The following GRM7 variants were observed in gnomAD, a reference collection of about 807,000 sequenced individuals.
The protein encoded by GRM7 is metabotropic glutamate receptor 7.
Under a neutral mutation model 84.5 loss-of-function variants are expected in GRM7, and 35 were observed. The observed-to-expected ratio is 0.41, with a 90% CI of 0.32 to 0.55. The LOEUF is 0.55. Ranked by LOEUF, GRM7 falls within the 20% of genes least tolerant of loss-of-function variation. The pLI, the probability that GRM7 is intolerant of heterozygous loss-of-function variation, is 0.19. For missense variants in GRM7, 1,003 were observed against 1,194.6 expected, an observed-to-expected ratio of 0.84 and a Z score of 2.36; for synonymous variants, 487 against 455.1, an observed-to-expected ratio of 1.07 and a Z score of -0.89.
intron 1 of GRM7, among the ~76,000 whole-genome samples, chr3:7,076,168 T>C (rs1698069964): frequency 6.6e-6 from 1 of 152,152 alleles, no homozygotes; most frequent in African/African-American, 2.4e-5. Flanking sequence ...CACTGTAATA[T>C]ACATTAAGAA....
At chr3:7,222,074 G>A (rs540194945) in intron 2 of GRM7, among the ~76,000 whole-genome samples, 1 of 152,028 alleles carries the variant, frequency 6.6e-6, no homozygotes, top group African/African-American at 2.4e-5. Context: ...CTCCCAAAGT[G>A]CTAGGATTAC....
rs192152922 is a variant in GRM7 at position 7,476,252 on chromosome 3, G to A, written c.1515+14530G>A. 5.3e-5 allele frequency among the ~76,000 whole-genome samples: 8 copies of A among 152,246 alleles called. No homozygotes were observed. The East Asian group carries it at 9.7e-4, about 18-fold the overall frequency. ...GGATTATTGTGAGAGTTAACAACAC[G>A]AAAAGTGACTAGGGGCTGGGCGCCG... On this transcript the variant is annotated intron_variant, in intron 7 of 9. Transcript: ENST00000357716.
rs535174960 is a variant in GRM7 at position 7,291,490 on chromosome 3, C to T, written c.737-7194C>T. Among the ~76,000 whole-genome samples, 9 of 254 alleles carry T rather than the reference C, an allele frequency of 0.035. No homozygotes were observed. In the South Asian group the frequency reaches 0.5, roughly 14 times the overall value. 0.2% of individuals were successfully genotyped at this position (254 alleles called of 152,430 possible). ...AGGGTTAGAGGAAAAGTCATGCCAG[C>T]TCTCTCTCTCTCTCTCTCTCTCTCT... On this transcript the variant is annotated intron_variant, in intron 2 of 9. Transcript: ENST00000357716.
intron 2 of GRM7, among the ~76,000 whole-genome samples, chr3:7,164,348 G>A (rs898346409): frequency 6.6e-6 from 1 of 152,188 alleles, no homozygotes; most frequent in South Asian, 2.1e-4. Context: ...GACAGAGCGA[G>A]GCTCCCTCTC....
intron 2 of GRM7, among the ~76,000 whole-genome samples, chr3:7,161,084 A>G (rs1694608247): frequency 6.6e-6 from 1 of 152,166 alleles, no homozygotes; most frequent in African/African-American, 2.4e-5. Context: ...TTCTACTCTC[A>G]GGTTCTGTCT....
chr3:7,229,722 CACACATATATATATATATATATAT>C (rs1186072026), intron 2 of GRM7, among the ~76,000 whole-genome samples: 9 of 25,784 alleles, frequency 3.5e-4, no homozygotes, highest in Non-Finnish European at 5.8e-4. Context: ...TCCATAGACA[CACACATATATATATATATATATAT>C]ATATATATAT....
intron 3 of GRM7, among the ~76,000 whole-genome samples, chr3:7,304,129 C>T (rs113356596): frequency 0.017 from 2,529 of 152,094 alleles, 35 homozygotes; most frequent in South Asian, 0.029. Context: ...TAATGAGTTG[C>T]AGAACTCTTA....
rs34508559 is a variant in GRM7 at position 7,516,476 on chromosome 3, C to CAA, written c.1515+54782_1515+54783dup. Among the ~76,000 whole-genome samples, 117 of 42,444 alleles carry CAA rather than the reference C, an allele frequency of 2.8e-3. 7 individuals are homozygous for CAA. The East Asian group carries it at 0.029, about 10-fold the overall frequency. The allele number at this position is 42,444 out of a possible 152,430, so 27.8% of individuals were successfully genotyped here. A position where few individuals can be genotyped will look rare whatever the true frequency, so the allele number is the denominator to read the frequency against. On this transcript the variant is annotated intron_variant, in intron 7 of 9. Coordinates refer to ENST00000357716, the MANE Select transcript of GRM7 (RefSeq NM_000844.4). ...TGGGCGGCAGAGCGAGACTCCCTCT[C>CAA]AAAAAAAAAAAAAAAAAAAAAAAAA...
At chr3:6,955,372 A>G (rs1036463260) in intron 1 of GRM7, among the ~76,000 whole-genome samples, 13 of 152,024 alleles carry the variant, frequency 8.6e-5, no homozygotes, top group Non-Finnish European at 1.3e-4. Flanking sequence ...CCCCGTCTCT[A>G]CTAAAAATAC....
intron 7 of GRM7, among the ~76,000 whole-genome samples, chr3:7,503,851 T>TGCA (rs2124968377): frequency 6.6e-6 from 1 of 152,302 alleles, no homozygotes; most frequent in South Asian, 2.1e-4. Flanking sequence ...AATTAATGAA[T>TGCA]GCAGAGCTAA....
chr3:7,368,710 T>C (rs941987387), intron 4 of GRM7, among the ~76,000 whole-genome samples: 5 of 152,116 alleles, frequency 3.3e-5, no homozygotes, highest in Non-Finnish European at 5.9e-5. Context: ...TACTGTTTGG[T>C]TGTGGTGAAG....
intron 2 of GRM7, among the ~76,000 whole-genome samples, chr3:7,242,366 A>G (rs534699255): frequency 6.6e-6 from 1 of 152,302 alleles, no homozygotes; most frequent in South Asian, 2.1e-4. Flanking sequence ...CATATTTGGA[A>G]TGGTCTTTCT....
At chr3:7,250,370 A>G (rs1697933401) in intron 2 of GRM7, among the ~76,000 whole-genome samples, 1 of 131,626 alleles carries the variant, frequency 7.6e-6, no homozygotes, top group African/African-American at 2.9e-5. Context: ...GAGTGAGTAT[A>G]TTTTATAAAT....
chr3:7,117,377 TC>T (rs1389367809), intron 1 of GRM7, among the ~76,000 whole-genome samples: 1 of 152,150 alleles, frequency 6.6e-6, no homozygotes, highest in Non-Finnish European at 1.5e-5. Context: ...TCCACAACAT[TC>T]TAAACCAAGA....
intron 2 of GRM7, among the ~76,000 whole-genome samples, chr3:7,190,960 A>AAT (rs756616411): frequency 9.9e-5 from 15 of 151,884 alleles, no homozygotes; most frequent in Non-Finnish European, 1.8e-4. Flanking sequence ...ACCTTACATA[A>AAT]ATATATATAT....
rs1702694472 is a variant in GRM7 at position 7,741,423 on chromosome 3, A to G, written c.*1017A>G. 6.6e-6 allele frequency: 1 copy of G among 152,576 alleles called. No homozygotes were observed. Among genetic ancestry groups the G allele is most frequent in the South Asian group, 2.1e-4 (1 of 4,822 alleles). The allele number at this position is 152,576 out of a possible 1,614,324, so 9.5% of individuals were successfully genotyped here. A position where few individuals can be genotyped will look rare whatever the true frequency, so the allele number is the denominator to read the frequency against. On this transcript the variant is annotated 3_prime_UTR_variant, in exon 10 of 10. Transcript: ENST00000357716. Reference sequence around the variant, plus strand: ...CGTTAATCTTGCTGCTTATGTGCCAATTTAGTGGAAAAAAACAACCCTTGC... The same window carrying G: ...CGTTAATCTTGCTGCTTATGTGCCAGTTTAGTGGAAAAAAACAACCCTTGC...
At chr3:7,366,403 A>C (rs6443108) in intron 4 of GRM7, among the ~76,000 whole-genome samples, 20,300 of 151,822 alleles carry the variant, frequency 0.13, 1,865 homozygotes, top group African/African-American at 0.27. Flanking sequence ...AATCATTGGA[A>C]AGTTTGCATT....
rs750316462 is a variant in GRM7 at position 7,579,249 on chromosome 3, C to T, written c.2343C>T (p.Pro781=). The change falls in exon 8 of 10, where the codon CCC becomes CCT. Residue 781 remains proline, a synonymous_variant. Transcript: ENST00000357716. ...ATGCCATCAAGACTCGGGGTGTACC[C>T]GAGAATTTTAACGAAGCCAAGCCCA... ...TVYAIKTRGV[P]ENFNEAKPIG... 14 of 1,613,432 alleles carry T rather than the reference C, an allele frequency of 8.7e-6. No homozygotes were observed. The highest frequency in any genetic ancestry group is 3.3e-5 in the Admixed American group (2 of 59,976).
At chr3:7,035,194 A>C (rs1359136277) in intron 1 of GRM7, among the ~76,000 whole-genome samples, 3 of 152,166 alleles carry the variant, frequency 2.0e-5, no homozygotes, top group Non-Finnish European at 4.4e-5. Flanking sequence ...TTCTCTGTGA[A>C]ATCAGAGATG....
Sources: allele counts gnomAD v4.1 joint callset (sites outside exome capture counted in the v4.1 genomes callset), GRCh38; gene constraint gnomAD v4.1.1; transcripts MANE v1.5; gene names NCBI Gene and HGNC (gene_info 2026-07-23, HGNC 2026-07-21).